CNTN5: variants seen among roughly 807,000 people sequenced by gnomAD.
The protein encoded by CNTN5 is contactin-5.
A neutral mutation model predicts 129.1 loss-of-function variants in CNTN5; 77 were observed. That is an observed-to-expected ratio of 0.60 (90% CI 0.50 to 0.72). The LOEUF (loss-of-function observed/expected upper bound fraction) is 0.72. Among genes scored for constraint, CNTN5 ranks in the 30% least tolerant of loss-of-function variants. The pLI, the probability that CNTN5 is intolerant of heterozygous loss-of-function variation, is 0.00. For synonymous variants in CNTN5, 509 were observed against 465.6 expected (o/e 1.09, Z -1.20); for missense variants, 1,478 against 1,328.8 (o/e 1.11, Z -1.75).
intron 9 of CNTN5, among the ~76,000 whole-genome samples, chr11:100,030,358 G>C (rs576540238): frequency 2.7e-4 from 41 of 152,308 alleles, no homozygotes; most frequent in Non-Finnish European, 5.4e-4. Flanking sequence ...CTGGGCAGCA[G>C]AGCAAGACCT....
chr11:99,125,780 A>G (rs149905591), intron 1 of CNTN5, among the ~76,000 whole-genome samples: 2,058 of 152,322 alleles, frequency 0.014, 50 homozygotes, highest in African/African-American at 0.046. Flanking sequence ...CATTATTTTC[A>G]CTTTTAATAG....
chr11:99,936,728 C>G (rs930375822), intron 7 of CNTN5, among the ~76,000 whole-genome samples: 8 of 152,172 alleles, frequency 5.3e-5, no homozygotes, highest in Non-Finnish European at 8.8e-5. Flanking sequence ...ATCTGAAGCA[C>G]TACTGTCATT....
chr11:99,559,950 T>G (rs527919352), intron 3 of CNTN5, among the ~76,000 whole-genome samples: 1 of 152,214 alleles, frequency 6.6e-6, no homozygotes, highest in African/African-American at 2.4e-5. Flanking sequence ...AGATGATAGT[T>G]TGAACAGACT....
Position 99,812,949 on chromosome 11 carries a change from A to G in CNTN5, c.56-6595A>G, listed in dbSNP as rs76910615. Among the ~76,000 whole-genome samples, 1,304 of 151,652 alleles carry G rather than the reference A, an allele frequency of 8.6e-3. 14 individuals carry two copies. The highest frequency in any genetic ancestry group is 0.03 in the African/African-American group (1,228 of 41,324). ...ATAGTTCTTGGTTTTATAAATTTTT[A>G]GAATAATTTTGTTTGTTTAATGTTC... On this transcript the variant is annotated intron_variant, in intron 3 of 24. Coordinates refer to ENST00000524871, the MANE Select transcript of CNTN5 (RefSeq NM_014361.4).
Position 99,466,903 on chromosome 11 carries a change from G to A in CNTN5, c.-70-89242G>A, listed in dbSNP as rs189084496. 3.9e-5 allele frequency among the ~76,000 whole-genome samples: 6 copies of A among 152,108 alleles called. No homozygotes were observed. The East Asian group carries it at 9.7e-4, about 25-fold the overall frequency. On this transcript the variant is annotated intron_variant, in intron 2 of 24. Coordinates refer to ENST00000524871, the MANE Select transcript of CNTN5 (RefSeq NM_014361.4). ...TAATTGCCAGCACATTCTATTGGCC[G>A]GAAGTCAATCACCTAGCCTTACTCA...
intron 3 of CNTN5, among the ~76,000 whole-genome samples, chr11:99,589,211 G>C (rs889470604): frequency 1.3e-5 from 2 of 152,184 alleles, no homozygotes; most frequent in Non-Finnish European, 2.9e-5. Flanking sequence ...TATAAATGCT[G>C]TCTGCCTGAA....
At chr11:99,247,208 G>A (rs1428959068) in intron 1 of CNTN5, among the ~76,000 whole-genome samples, 4 of 152,010 alleles carry the variant, frequency 2.6e-5, no homozygotes, top group Non-Finnish European at 5.9e-5. Context: ...GAAGATTTAA[G>A]TATAGATTTA....
intron 1 of CNTN5, among the ~76,000 whole-genome samples, chr11:99,269,463 G>A (rs1236422540): frequency 6.6e-6 from 1 of 151,590 alleles, no homozygotes. Flanking sequence ...ATTTAACACT[G>A]AACTGCATAT....
At chr11:99,222,238 C>T (rs958533812) in intron 1 of CNTN5, among the ~76,000 whole-genome samples, 6 of 150,812 alleles carry the variant, frequency 4.0e-5, no homozygotes, top group African/African-American at 4.9e-5. Flanking sequence ...TTATATCCAT[C>T]GATACAAACA....
At chr11:99,093,066 G>T (rs1435882193) in intron 1 of CNTN5, among the ~76,000 whole-genome samples, 1 of 152,002 alleles carries the variant, frequency 6.6e-6, no homozygotes, top group East Asian at 1.9e-4. Context: ...TCTAGGACAT[G>T]TAGTACATAG....
At chr11:100,105,562 C>T (rs1039576743) in intron 13 of CNTN5, among the ~76,000 whole-genome samples, 5 of 152,156 alleles carry the variant, frequency 3.3e-5, no homozygotes, top group African/African-American at 9.7e-5. Context: ...AAACCAATAT[C>T]GGAAGGAAGG....
chr11:99,541,457 A>T (rs1948104264), intron 2 of CNTN5, among the ~76,000 whole-genome samples: 1 of 152,164 alleles, frequency 6.6e-6, no homozygotes, highest in African/African-American at 2.4e-5. Flanking sequence ...ACACTGAATA[A>T]GAAATGCCAA....
chr11:100,093,769 T>G (rs982122218), intron 13 of CNTN5, among the ~76,000 whole-genome samples: 1 of 152,054 alleles, frequency 6.6e-6, no homozygotes, highest in African/African-American at 2.4e-5. Context: ...TGGATTTTGT[T>G]AGGAATACAG....
intron 8 of CNTN5, among the ~76,000 whole-genome samples, chr11:99,963,108 T>A (rs1950996136): frequency 6.6e-6 from 1 of 152,200 alleles, no homozygotes; most frequent in African/African-American, 2.4e-5. Context: ...TTCTGTAGGT[T>A]GCCTGTTCAA....
chr11:99,568,539 C>T (rs1200598370), intron 3 of CNTN5, among the ~76,000 whole-genome samples: 2 of 152,124 alleles, frequency 1.3e-5, no homozygotes, highest in East Asian at 1.9e-4. Flanking sequence ...ATTTTCTGTA[C>T]CTCACCTGTT....
At chr11:100,012,635 T>C (rs1004936660) in intron 9 of CNTN5, among the ~76,000 whole-genome samples, 3 of 152,148 alleles carry the variant, frequency 2.0e-5, no homozygotes, top group Non-Finnish European at 4.4e-5. Flanking sequence ...AAACAGCTAA[T>C]GTGTGTGGCC....
At chr11:99,442,056 C>T (rs1943853735) in intron 2 of CNTN5, among the ~76,000 whole-genome samples, 1 of 152,140 alleles carries the variant, frequency 6.6e-6, no homozygotes, top group Non-Finnish European at 1.5e-5. Flanking sequence ...AGCAGAATTG[C>T]TCTGCTACCT....
chr11:99,839,084 A>C (rs546334877), intron 4 of CNTN5, among the ~76,000 whole-genome samples: 7 of 152,116 alleles, frequency 4.6e-5, no homozygotes, highest in Non-Finnish European at 7.3e-5. Context: ...AGGCATGTTT[A>C]CTTTATATCA....
At chr11:99,744,544 A>T (rs1276363081) in intron 3 of CNTN5, among the ~76,000 whole-genome samples, 5 of 19,328 alleles carry the variant, frequency 2.6e-4, no homozygotes, top group East Asian at 1.8e-3. Context: ...ACAAAAAGTT[A>T]AAAAAAAAAA....
Sources: allele counts gnomAD v4.1 joint callset (sites outside exome capture counted in the v4.1 genomes callset), GRCh38; gene constraint gnomAD v4.1.1; transcripts MANE v1.5; gene names NCBI Gene and HGNC (gene_info 2026-07-23, HGNC 2026-07-21).